PARP3: variants seen among roughly 807,000 people sequenced by gnomAD.
PARP3 encodes the protein protein mono-ADP-ribosyltransferase PARP3.
PARP3 carries 46 observed loss-of-function variants against 58.2 expected under a neutral mutation model. The observed-to-expected ratio is 0.79, with a 90% confidence interval of 0.62 to 1.01. The LOEUF (loss-of-function observed/expected upper bound fraction) is 1.01, where lower values mean the gene tolerates loss of function less well. Among genes scored for constraint, PARP3 ranks in the 50% least tolerant of loss-of-function variants. The probability of loss-of-function intolerance (pLI) is 0.00; values close to 1 mark genes in which losing one functional copy is unlikely to be tolerated. For missense variants in PARP3, 663 were observed against 683.9 expected (o/e 0.97, Z 0.34); for synonymous variants, 252 against 266.4 (o/e 0.95, Z 0.53).
chr3:51,945,810 C>T (rs1300812865), intron 7 of PARP3, 43 bp from the exon 8 acceptor site: 9 of 1,574,980 alleles, frequency 5.7e-6, no homozygotes, highest in Non-Finnish European at 7.0e-6. Flanking sequence ...GGATTAGCTC[C>T]TGAGCCTCCC....
chr3:51,947,591 G>A, intron 9 of PARP3, 149 bp from the exon 10 acceptor site: 1 of 791,466 alleles, frequency 1.3e-6, no homozygotes, highest in Non-Finnish European at 2.0e-6. Context: ...AGCAGGCCGG[G>A]ACAAGGAGGG....
Position 51,944,638 on chromosome 3 carries a change from T to G in PARP3, c.501+60T>G, listed in dbSNP as rs1456410392. On this transcript the variant is annotated intron_variant, in intron 4 of 10. Coordinates refer to ENST00000398755, the MANE Select transcript of PARP3 (RefSeq NM_001003931.4). This position sits in a 1 kb window ranked among gnomAD's most constrained non-coding sequence, Gnocchi z 4.2. ...CTGAGGGAGGGGACTCGTTGGAGAG[T>G]TCCCGCTGGTTGGGCTCTGCCACTG... 1.3e-6 allele frequency: 2 copies of G among 1,589,104 alleles called. No homozygotes were observed. The highest frequency in any genetic ancestry group is 1.7e-6 in the Non-Finnish European group (2 of 1,163,460).
At position 51,948,047 on chromosome 3, in the gene PARP3, A is replaced by G. The variant is rs558248561; in HGVS notation, c.1432+152A>G. 43 of 826,038 alleles carry G rather than the reference A, an allele frequency of 5.2e-5. No individual in the cohort carries two copies. In the African/African-American group the frequency reaches 7.0e-4, roughly 13 times the overall value. The allele number at this position is 826,038 out of a possible 1,614,324, so 51.2% of individuals were successfully genotyped here. ...TTTGACAAACATCCACTGGTTCAAC[A>G]CATCATTCCTGGGCATCCCGGAGGG... On this transcript the variant is annotated intron_variant, in intron 10 of 10. Transcript: ENST00000398755.
rs1171514823 is a variant in PARP3 at position 51,946,909 on chromosome 3, A to ACGAT, written c.1276+570_1276+573dup. On this transcript the variant is annotated intron_variant, in intron 9 of 10. Transcript: ENST00000398755. The surrounding 1 kb of genome is among the most constrained non-coding windows in gnomAD (Gnocchi z 4.6). ...GGGCAGGGTGGGCTAGGGGCCCAGA[A>ACGAT]CGATCGAGGAGGCTTTATCCAGAGA... Among the ~76,000 whole-genome samples, 6 of 152,200 alleles carry ACGAT rather than the reference A, an allele frequency of 3.9e-5. No individual in the cohort carries two copies. The highest frequency in any genetic ancestry group is 6.5e-5 in the Admixed American group (1 of 15,288).
At chr3:51,943,711 C>T (rs1456091411) in intron 2 of PARP3, among the ~76,000 whole-genome samples, 173 bp downstream of exon 2, 1 of 152,110 alleles carries the variant, frequency 6.6e-6, no homozygotes, top group African/African-American at 2.4e-5. Context: ...CCCGTCAGGT[C>T]CAGGCGGGTC....
At position 51,946,277 on chromosome 3, in the gene PARP3, C is replaced by A. The variant is rs1456321786; in HGVS notation, c.1210C>A (p.His404Asn). 1 of 1,614,040 alleles carries A rather than the reference C, an allele frequency of 6.2e-7. No homozygotes were observed. Among genetic ancestry groups the A allele is most frequent in the Non-Finnish European group, 8.5e-7 (1 of 1,179,952 alleles). ...ILTSGLRIMP[H>N]SGGRVGKGIY... ...CACTAGTGGGCTCCGCATCATGCCA[C>A]ATTCTGGTGGGCGTGTTGGCAAGGG... is the stretch of plus-strand genomic sequence containing the variant. Residue 404 changes from histidine to asparagine, a missense_variant, in exon 9 of 11, where the codon CAT (histidine) becomes AAT (asparagine). By Grantham distance (68) the His-to-Asn change is moderately conservative (BLOSUM62 1). Coordinates refer to ENST00000398755, the MANE Select transcript of PARP3 (RefSeq NM_001003931.4). The surrounding 1 kb of genome is among the most constrained non-coding windows in gnomAD (Gnocchi z 4.6).
In PARP3 at chr3:51,948,397, A is replaced by C. The variant is rs1699775398; in HGVS notation, c.1519A>C (p.Ser507Arg). 2 of 1,614,096 alleles carry C rather than the reference A, an allele frequency of 1.2e-6. No individual in the cohort carries two copies. Among genetic ancestry groups the C allele is most frequent in the Non-Finnish European group, 1.7e-6 (2 of 1,179,962 alleles). ...GCCTGTGCCCTGCCCAGAGTTCAGC[A>C]GCTCCACATTCTCCCAGAGCGAGTA... ...GQPVPCPEFS[S>R]STFSQSEYLI... is the part of the protein sequence containing the mutation. The change falls in exon 11 of 11, where the codon AGC (serine) becomes CGC (arginine). Residue 507 changes from serine to arginine, a missense_variant. Ser to Arg is a moderately radical substitution (Grantham distance 110, BLOSUM62 -1). Transcript: ENST00000398755.
In PARP3 at chr3:51,942,532, C is replaced by A; in HGVS notation, c.-179C>A. 1 of 707,046 alleles carries A rather than the reference C, an allele frequency of 1.4e-6. No homozygotes were observed. The highest frequency in any genetic ancestry group is 2.6e-6 in the Non-Finnish European group (1 of 381,002). The allele number at this position is 707,046 out of a possible 1,614,324, so 43.8% of individuals were successfully genotyped here. On this transcript the variant is annotated 5_prime_UTR_variant, in exon 1 of 11. Transcript: ENST00000398755. Reference sequence around the variant, plus strand: ...CTTCACCCCACTGGTGGCCAAATAGCCGATGTCTAATCCCCCACACAAGCT... The same window carrying A: ...CTTCACCCCACTGGTGGCCAAATAGACGATGTCTAATCCCCCACACAAGCT...
At chr3:51,942,977 C>A in intron 1 of PARP3, 1 of 1,406,668 alleles carries the variant, frequency 7.1e-7, no homozygotes, top group Non-Finnish European at 9.2e-7. Flanking sequence ...CTAGCTGACA[C>A]AGGGGGAGGA....
chr3:51,948,572 T>C lies in PARP3; in HGVS notation c.*92T>C. Reference sequence around the variant, plus strand: ...TGGTACCCCTATATCACTCCTTTTTTTCAAGAATACAATACGTTGTTGTTA... The same window carrying C: ...TGGTACCCCTATATCACTCCTTTTTCTCAAGAATACAATACGTTGTTGTTA... On this transcript the variant is annotated 3_prime_UTR_variant, in exon 11 of 11. Coordinates refer to ENST00000398755, the MANE Select transcript of PARP3 (RefSeq NM_001003931.4). 1 of 1,121,846 alleles carries C rather than the reference T, an allele frequency of 8.9e-7. No individual in the cohort carries two copies. The highest frequency in any genetic ancestry group is 1.4e-5 in the South Asian group (1 of 69,180). The allele number at this position is 1,121,846 out of a possible 1,614,324, so 69.5% of individuals were successfully genotyped here.
chr3:51,944,570 G>A lies in PARP3; in HGVS notation c.493G>A (p.Val165Met). Residue 165 changes from valine to methionine, a missense_variant, in exon 4 of 11, where the codon GTG (valine) becomes ATG (methionine). Around this residue, in one of 3 missense-constraint regions of PARP3, gnomAD observed 567 missense variants for 553.6 expected, o/e 1.02. Coordinates refer to ENST00000398755, the MANE Select transcript of PARP3 (RefSeq NM_001003931.4). The surrounding 1 kb of genome is among the most constrained non-coding windows in gnomAD (Gnocchi z 4.2). ...GGCAGAGGATGAGGCCCAGGAAGCT[G>A]TGGTGAAGGTGAGATGGCCAAGGAA... ...VQAEDEAQEA[V>M]VKVDRGPVRT... 6.2e-7 allele frequency: 1 copy of A among 1,614,098 alleles called. No homozygotes were observed.
intron 1 of PARP3, 164 bp downstream of exon 1, chr3:51,942,872 G>A (rs1699577717): frequency 2.8e-6 from 4 of 1,432,038 alleles, no homozygotes; most frequent in Non-Finnish European, 3.7e-6. Context: ...AGCTCCGGGA[G>A]GATAATCTGG....
chr3:51,943,058 AG>A, intron 1 of PARP3: 1 of 1,377,674 alleles, frequency 7.3e-7, no homozygotes, highest in South Asian at 1.7e-5. Flanking sequence ...TGAGCTGCAG[AG>A]GGTAGGGAGC....
chr3:51,944,607 C>T lies in PARP3; in HGVS notation c.501+29C>T. 1.2e-6 allele frequency: 2 copies of T among 1,609,428 alleles called. No homozygotes were observed. Among genetic ancestry groups the T allele is most frequent in the Admixed American group, 1.7e-5 (1 of 59,880 alleles). On this transcript the variant is annotated intron_variant, in intron 4 of 10. Transcript: ENST00000398755. This position sits in a 1 kb window ranked among gnomAD's most constrained non-coding sequence, Gnocchi z 4.2. ...AGATGGCCAAGGAAGGTGGGCAGGCCCTGGACTGAGGGAGGGGACTCGTTG... is the reference window on the plus strand; with the variant it reads ...AGATGGCCAAGGAAGGTGGGCAGGCTCTGGACTGAGGGAGGGGACTCGTTG...
rs916573089 is a variant in PARP3, at chr3:51,944,673, G to T, written c.501+95G>T. On this transcript the variant is annotated intron_variant, in intron 4 of 10. Transcript: ENST00000398755. This position sits in a 1 kb window ranked among gnomAD's most constrained non-coding sequence, Gnocchi z 4.2. ...TTGGGCTCTGCCACTGCCCAGCTGCGCAGCCTCAGCCACAGAACTCCCCTC... is the reference window on the plus strand; with the variant it reads ...TTGGGCTCTGCCACTGCCCAGCTGCTCAGCCTCAGCCACAGAACTCCCCTC... The T allele has an allele frequency of 1.3e-6, 2 of 1,572,480 alleles. No individual in the cohort carries two copies. The highest frequency in any genetic ancestry group is 1.7e-5 in the Admixed American group (1 of 57,356).
Position 51,942,645 on chromosome 3 carries a change from G to A in PARP3, c.-66G>A. 5 of 1,123,550 alleles carry A rather than the reference G, an allele frequency of 4.5e-6. No homozygotes were observed. The highest frequency in any genetic ancestry group is 6.6e-6 in the Non-Finnish European group (5 of 753,084). The allele number at this position is 1,123,550 out of a possible 1,614,324, so 69.6% of individuals were successfully genotyped here. ...GAGTTGCTAGACCTGGGACTGCCCT[G>A]GGAGGCGCACACAACCAGGCCGGGT... On this transcript the variant is annotated 5_prime_UTR_variant, in exon 1 of 11. Coordinates refer to ENST00000398755, the MANE Select transcript of PARP3 (RefSeq NM_001003931.4).
chr3:51,943,398 GAGA>G lies in PARP3; in HGVS notation c.52_54del (p.Lys18del), dbSNP rs34377869. ...GCCCTGGGTACAGACTGAGGGCCCT[GAGA>G]AGAAGAAGGGCCGGCAGGCAGGAAG... On this transcript the variant is annotated inframe_deletion, in exon 2 of 11. Coordinates refer to ENST00000398755, the MANE Select transcript of PARP3 (RefSeq NM_001003931.4). The G allele has an allele frequency of 1.4e-3, 2,311 of 1,601,950 alleles. 37 individuals are homozygous for G. In the African/African-American group the frequency reaches 0.026, roughly 18 times the overall value.
rs1307038994 is a variant in PARP3 at position 51,942,693 on chromosome 3, T to C, written c.-18T>C. The C allele has an allele frequency of 3.9e-6, 6 of 1,554,484 alleles. No homozygotes were observed. Among genetic ancestry groups the C allele is most frequent in the Non-Finnish European group, 5.2e-6 (6 of 1,145,352 alleles). On this transcript the variant is annotated 5_prime_UTR_variant, in exon 1 of 11. Transcript: ENST00000398755. ...GGTGGCAGCCAGGACCTCTCCCATG[T>C]CCCTGCTTTTCTTGGGTGAGTGTCC...
chr3:51,942,672 G>T lies in PARP3; in HGVS notation c.-39G>T. ...GAGGCGCACACAACCAGGCCGGGTG[G>T]CAGCCAGGACCTCTCCCATGTCCCT... On this transcript the variant is annotated 5_prime_UTR_variant, in exon 1 of 11. Transcript: ENST00000398755. 1 of 1,469,166 alleles carries T rather than the reference G, an allele frequency of 6.8e-7. No individual in the cohort carries two copies. Among genetic ancestry groups the T allele is most frequent in the Non-Finnish European group, 9.4e-7 (1 of 1,067,482 alleles). 91.0% of individuals were successfully genotyped at this position (1,469,166 alleles called of 1,614,324 possible). A position where few individuals can be genotyped will look rare whatever the true frequency, so the allele number is the denominator to read the frequency against.
Sources: gnomAD v4.1 joint callset for allele counts (sites outside exome capture counted in the v4.1 genomes callset) on GRCh38, gnomAD v4.1.1 for gene constraint, gnomAD v4.1.1 regional missense constraint, Gnocchi (gnomAD v3.1) non-coding constraint, MANE v1.5 for transcripts, NCBI Gene and HGNC (gene_info 2026-07-23, HGNC 2026-07-21) for gene names.